XKR6: variants seen among roughly 807,000 people sequenced by gnomAD.
XKR6 encodes the protein XK-related protein 6.
XKR6 carries 22 observed loss-of-function variants against 56.7 expected under a neutral mutation model. The ratio of observed to expected loss-of-function variants is 0.39; its 90% CI spans 0.28 to 0.55. The LOEUF (loss-of-function observed/expected upper bound fraction) is 0.55, where lower values mean the gene tolerates loss of function less well. XKR6 is among the 20% of genes least tolerant of loss of function. The pLI is 0.66. For missense variants in XKR6, 852 were observed against 889.0 expected (o/e 0.96, Z 0.53); for synonymous variants, 524 against 387.8 (o/e 1.35, Z -4.13).
intron 1 of XKR6, among the ~76,000 whole-genome samples, chr8:10,971,595 G>C (rs1234331825): frequency 6.6e-6 from 1 of 152,108 alleles, no homozygotes; most frequent in Non-Finnish European, 1.5e-5. Flanking sequence ...CTTAGGCCCA[G>C]AGAAGTTGAG....
chr8:10,941,052 C>A (rs112722099), intron 1 of XKR6, among the ~76,000 whole-genome samples: 48 of 152,278 alleles, frequency 3.2e-4, no homozygotes, highest in African/African-American at 1.1e-3. Flanking sequence ...GAGGGGGCTC[C>A]TCGATGACTC....
At chr8:11,063,708 T>C (rs1799906353) in intron 1 of XKR6, among the ~76,000 whole-genome samples, 1 of 152,106 alleles carries the variant, frequency 6.6e-6, no homozygotes, top group African/African-American at 2.4e-5. Flanking sequence ...GCCAGGAACA[T>C]CCACGGAGAT....
intron 1 of XKR6, among the ~76,000 whole-genome samples, chr8:11,161,441 T>G (rs919622893): frequency 2.6e-5 from 4 of 152,182 alleles, no homozygotes; most frequent in Non-Finnish European, 5.9e-5. Context: ...AAACCTAGAT[T>G]GTCTTTAACT....
chr8:11,185,050 G>C (rs1158766214), intron 1 of XKR6, among the ~76,000 whole-genome samples: 1 of 152,124 alleles, frequency 6.6e-6, no homozygotes, highest in Non-Finnish European at 1.5e-5. Context: ...CCCAGACAAA[G>C]CTGGGCACAT....
rs117175642 is a variant in XKR6, at chr8:11,099,996, G to A, written c.764+100580C>T. On this transcript the variant is annotated intron_variant, in intron 1 of 2. Coordinates refer to ENST00000416569, the MANE Select transcript of XKR6 (RefSeq NM_173683.4). The stretch of plus-strand genomic sequence containing the variant: ...GGGAGTAGGGCACCCTAGCGGGTTG[G>A]GCGCTGGGAGGGAGAGGGGGTGCAG... Among the ~76,000 whole-genome samples the A allele has an allele frequency of 1.7e-3, 262 of 152,318 alleles. 1 individual carries two copies. Among genetic ancestry groups the A allele is most frequent in the Non-Finnish European group, 3.0e-3 (204 of 68,026 alleles).
chr8:11,153,072 A>G (rs1192778862), intron 1 of XKR6, among the ~76,000 whole-genome samples: 3 of 152,244 alleles, frequency 2.0e-5, no homozygotes, highest in African/African-American at 7.2e-5. Flanking sequence ...ATACAATTAG[A>G]TTATTCCACA....
At position 11,172,512 on chromosome 8, in the gene XKR6, T is replaced by C. The variant is rs767707330; in HGVS notation, c.764+28064A>G. 6.9e-4 allele frequency among the ~76,000 whole-genome samples: 105 copies of C among 152,286 alleles called. 1 individual carries two copies. Among genetic ancestry groups the C allele is most frequent in the Middle Eastern group, 3.4e-3 (1 of 294 alleles). ...GTTCCAAATTTTAGATCTGCACAAG[T>C]ACCCTTTCTCAATGATGGCTTCCCA... is the stretch of plus-strand genomic sequence containing the variant. On this transcript the variant is annotated intron_variant, in intron 1 of 2. Coordinates refer to ENST00000416569, the MANE Select transcript of XKR6 (RefSeq NM_173683.4).
At chr8:10,917,645 G>C (rs1586303503) in intron 2 of XKR6, among the ~76,000 whole-genome samples, 1 of 152,110 alleles carries the variant, frequency 6.6e-6, no homozygotes, top group African/African-American at 2.4e-5. Flanking sequence ...GCACACAATG[G>C]CTCAGAGGAT....
chr8:11,181,789 T>A (rs137865516), intron 1 of XKR6, among the ~76,000 whole-genome samples: 2,027 of 152,314 alleles, frequency 0.013, 46 homozygotes, highest in African/African-American at 0.043. Flanking sequence ...AGACTTGGCA[T>A]GTATTAATTC....
intron 1 of XKR6, among the ~76,000 whole-genome samples, chr8:10,981,656 C>T (rs915947306): frequency 6.6e-6 from 1 of 152,212 alleles, no homozygotes; most frequent in South Asian, 2.1e-4. Context: ...AAAAATATAA[C>T]AGAACTTCTA....
intron 1 of XKR6, among the ~76,000 whole-genome samples, chr8:11,084,859 G>C (rs1797835672): frequency 6.6e-6 from 1 of 152,176 alleles, no homozygotes; most frequent in Non-Finnish European, 1.5e-5. Flanking sequence ...GAGCTCTACT[G>C]TCCATGGTCT....
chr8:11,096,015 G>C (rs576388392), intron 1 of XKR6, among the ~76,000 whole-genome samples: 58 of 152,294 alleles, frequency 3.8e-4, no homozygotes, highest in Non-Finnish European at 8.1e-4. Flanking sequence ...AATTTGACTA[G>C]ATAAAAGTAA....
At chr8:10,930,013 G>C (rs1000972073) in intron 1 of XKR6, among the ~76,000 whole-genome samples, 1 of 152,138 alleles carries the variant, frequency 6.6e-6, no homozygotes, top group Admixed American at 6.5e-5. Context: ...CTGCTGGCTC[G>C]TCTGAGGCTC....
At chr8:10,920,963 G>A (rs560327182) in intron 2 of XKR6, among the ~76,000 whole-genome samples, 87 of 152,256 alleles carry the variant, frequency 5.7e-4, no homozygotes, top group Non-Finnish European at 1.1e-3. Context: ...CACAAAAACA[G>A]GGGATTGCAG....
intron 1 of XKR6, among the ~76,000 whole-genome samples, chr8:10,950,748 G>A (rs574526839): frequency 6.6e-6 from 1 of 152,212 alleles, no homozygotes; most frequent in Non-Finnish European, 1.5e-5. Context: ...AGCACCACAG[G>A]CCCTTGGCTT....
intron 1 of XKR6, among the ~76,000 whole-genome samples, chr8:11,006,815 G>A (rs992753529): frequency 1.3e-5 from 2 of 152,232 alleles, no homozygotes; most frequent in African/African-American, 4.8e-5. Flanking sequence ...TGCCGCTGCA[G>A]GTTACCCTAC....
At chr8:11,019,021 C>T (rs1484195098) in intron 1 of XKR6, among the ~76,000 whole-genome samples, 1 of 152,170 alleles carries the variant, frequency 6.6e-6, no homozygotes, top group African/African-American at 2.4e-5. Context: ...CTCAGGCCCC[C>T]TCACCCACTC....
chr8:10,996,256 G>A (rs1043833578), intron 1 of XKR6, among the ~76,000 whole-genome samples: 1 of 152,192 alleles, frequency 6.6e-6, no homozygotes, highest in African/African-American at 2.4e-5. Flanking sequence ...TCCTGGGGGT[G>A]TGTGGAACAG....
At chr8:11,023,793 C>T (rs980522373) in intron 1 of XKR6, among the ~76,000 whole-genome samples, 9 of 152,194 alleles carry the variant, frequency 5.9e-5, no homozygotes, top group African/African-American at 1.7e-4. Flanking sequence ...GAGCCACCTG[C>T]GGTGCTGACT....
Sources: gnomAD v4.1 joint callset for allele counts (sites outside exome capture counted in the v4.1 genomes callset) on GRCh38, gnomAD v4.1.1 for gene constraint, MANE v1.5 for transcripts, NCBI Gene and HGNC (gene_info 2026-07-23, HGNC 2026-07-21) for gene names.